UBXN7: variants seen among roughly 807,000 people sequenced by gnomAD.
The protein encoded by UBXN7 is UBX domain protein 7, also known as UBX domain-containing protein 7.
Under a neutral mutation model 58.0 loss-of-function variants are expected in UBXN7, and 9 were observed. The ratio of observed to expected loss-of-function variants is 0.16; its 90% CI spans 0.09 to 0.27. The LOEUF (loss-of-function observed/expected upper bound fraction) is 0.27, where lower values mean the gene tolerates loss of function less well. UBXN7 is among the 10% of genes least tolerant of loss of function. The pLI is 1.00. For missense variants in UBXN7, 328 were observed against 599.6 expected (o/e 0.55, Z 4.73); for synonymous variants, 208 against 205.0 (o/e 1.01, Z -0.12).
intron 2 of UBXN7, among the ~76,000 whole-genome samples, chr3:196,406,436 A>G (rs1216014654): frequency 6.6e-6 from 1 of 151,482 alleles, no homozygotes; most frequent in Non-Finnish European, 1.5e-5. Flanking sequence ...ACTCTACACA[A>G]TATTATTTTT....
chr3:196,420,468 T>C (rs1333321695), intron 1 of UBXN7, among the ~76,000 whole-genome samples: 1 of 151,222 alleles, frequency 6.6e-6, no homozygotes, highest in East Asian at 1.9e-4. Context: ...GAGGTGGAGG[T>C]TGCAGTGAGC....
At chr3:196,373,959 A>G (rs948143474) in intron 5 of UBXN7, among the ~76,000 whole-genome samples, 6 of 152,234 alleles carry the variant, frequency 3.9e-5, no homozygotes, top group Non-Finnish European at 8.8e-5. Context: ...GCCGCATTTA[A>G]CTGGTCAAAG....
chr3:196,407,386 A>C lies in UBXN7; in HGVS notation c.81T>G (p.Ser27Arg). 6.2e-7 allele frequency: 1 copy of C among 1,608,314 alleles called. No homozygotes were observed. The highest frequency in any genetic ancestry group is 8.5e-7 in the Non-Finnish European group (1 of 1,178,090). ...IQQFTTITGASESVGKHMLEA... is the reference protein window; with the variant it reads ...IQQFTTITGARESVGKHMLEA... ...CAAGCATATGTTTTCCTACACTTTC[A>C]CTTGCACCTGAAACAGTAAAAAGAC... The change falls in exon 2 of 11, where the codon AGT becomes AGG. Residue 27 changes from serine (S) to arginine (R), a missense_variant. Coordinates refer to ENST00000296328, the MANE Select transcript of UBXN7 (RefSeq NM_015562.2).
intron 4 of UBXN7, among the ~76,000 whole-genome samples, chr3:196,393,302 C>A (rs896065096): frequency 6.6e-6 from 1 of 152,124 alleles, no homozygotes; most frequent in Non-Finnish European, 1.5e-5. Context: ...AGTGTTTATT[C>A]ACAAGCGAAT....
chr3:196,371,865 T>C, intron 6 of UBXN7, 31 bp downstream of exon 6: 3 of 1,598,344 alleles, frequency 1.9e-6, no homozygotes, highest in South Asian at 1.1e-5. Flanking sequence ...AGTAAAATTC[T>C]ACAAAACTTC....
intron 1 of UBXN7, among the ~76,000 whole-genome samples, chr3:196,425,198 C>T (rs1577481908): frequency 6.6e-6 from 1 of 152,062 alleles, no homozygotes; most frequent in Non-Finnish European, 1.5e-5. Flanking sequence ...TGTTACATAC[C>T]TAGGTGTCCA....
chr3:196,427,814 T>C (rs1730897145), intron 1 of UBXN7, among the ~76,000 whole-genome samples: 1 of 152,230 alleles, frequency 6.6e-6, no homozygotes, highest in Non-Finnish European at 1.5e-5. Context: ...TTTTCTTATG[T>C]AGCTTTAAAT....
chr3:196,378,308 T>C (rs1412404085), intron 5 of UBXN7, among the ~76,000 whole-genome samples: 3 of 152,214 alleles, frequency 2.0e-5, no homozygotes, highest in African/African-American at 7.2e-5. Flanking sequence ...CAAATGGGTG[T>C]AGCCATGCTG....
chr3:196,377,239 A>C (rs967824728), intron 5 of UBXN7, among the ~76,000 whole-genome samples: 7 of 152,106 alleles, frequency 4.6e-5, no homozygotes, highest in Non-Finnish European at 7.4e-5. Context: ...AGGAAAACGT[A>C]GGAAACATTC....
intron 5 of UBXN7, among the ~76,000 whole-genome samples, chr3:196,390,790 T>C (rs886413967): frequency 4.0e-5 from 6 of 151,356 alleles, no homozygotes; most frequent in Non-Finnish European, 7.4e-5. Context: ...GGAAATGCTA[T>C]TGTAATTCAA....
At chr3:196,372,736 A>G (rs889782932) in intron 5 of UBXN7, among the ~76,000 whole-genome samples, 48 of 150,498 alleles carry the variant, frequency 3.2e-4, no homozygotes, top group Middle Eastern at 3.4e-3. Flanking sequence ...TTCTCTTGCA[A>G]CCTCCATCAA....
At chr3:196,432,019 C>G in intron 1 of UBXN7, 1 of 535,428 alleles carries the variant, frequency 1.9e-6, no homozygotes, top group South Asian at 2.0e-5. Context: ...CTCCTCCCGC[C>G]CCCGGGTCCC....
chr3:196,413,987 G>A (rs1261486081), intron 1 of UBXN7, among the ~76,000 whole-genome samples: 6 of 152,138 alleles, frequency 3.9e-5, no homozygotes, highest in Admixed American at 3.3e-4. Flanking sequence ...GTGTTCAGTA[G>A]AGATGGAACA....
At chr3:196,359,552 C>G (rs1181006518) in intron 10 of UBXN7, among the ~76,000 whole-genome samples, 4 of 152,156 alleles carry the variant, frequency 2.6e-5, no homozygotes, top group Admixed American at 2.6e-4. Flanking sequence ...AACAGCCAAG[C>G]TGTGAATGCA....
intron 1 of UBXN7, among the ~76,000 whole-genome samples, chr3:196,409,533 G>A (rs1730259824): frequency 6.6e-6 from 1 of 152,030 alleles, no homozygotes; most frequent in Non-Finnish European, 1.5e-5. Context: ...TTCCTCCTAA[G>A]AGGATATGAT....
intron 5 of UBXN7, among the ~76,000 whole-genome samples, chr3:196,388,566 T>C (rs2108843790): frequency 6.6e-6 from 1 of 151,970 alleles, no homozygotes; most frequent in East Asian, 1.9e-4. Context: ...TCAATAAATA[T>C]GTATTGAGTG....
At chr3:196,392,688 A>G (rs1729626081) in intron 4 of UBXN7, among the ~76,000 whole-genome samples, 1 of 152,076 alleles carries the variant, frequency 6.6e-6, no homozygotes, top group African/African-American at 2.4e-5. Flanking sequence ...CTGTAGTCCC[A>G]GCTACTTGGG....
chr3:196,387,365 G>A (rs1184698346), intron 5 of UBXN7, among the ~76,000 whole-genome samples: 2 of 152,132 alleles, frequency 1.3e-5, no homozygotes, highest in Non-Finnish European at 2.9e-5. Flanking sequence ...TACCATTCAG[G>A]ACACAGGCAT....
At chr3:196,357,021 A>G (rs1376053768) in intron 10 of UBXN7, among the ~76,000 whole-genome samples, 175 bp from the exon 11 acceptor site, 2 of 152,244 alleles carry the variant, frequency 1.3e-5, no homozygotes, top group African/African-American at 4.8e-5. Context: ...AAACCTTTGG[A>G]CGGGGAGATA....
Sources: gnomAD v4.1 joint callset for allele counts (sites outside exome capture counted in the v4.1 genomes callset) on GRCh38, gnomAD v4.1.1 for gene constraint, MANE v1.5 for transcripts, NCBI Gene and HGNC (gene_info 2026-07-23, HGNC 2026-07-21) for gene names.